DAB1: variants seen among roughly 807,000 people sequenced by gnomAD.
DAB1 encodes the protein disabled homolog 1.
Under a neutral mutation model 64.6 loss-of-function variants are expected in DAB1, and 15 were observed. The ratio of observed to expected loss-of-function variants is 0.23; its 90% CI spans 0.16 to 0.36. The LOEUF is 0.36. DAB1 is among the 10% of genes least tolerant of loss of function. The pLI is 1.00. For synonymous variants in DAB1, 235 were observed against 251.9 expected (o/e 0.93, Z 0.64); for missense variants, 596 against 706.7 (o/e 0.84, Z 1.78).
At chr1:57,511,369 C>T (rs78633503) in intron 7 of DAB1, among the ~76,000 whole-genome samples, 1,762 of 152,326 alleles carry the variant, frequency 0.012, 36 homozygotes, top group African/African-American at 0.04. Context: ...TTACACCCAA[C>T]AAGCTGTTTC....
intron 7 of DAB1, among the ~76,000 whole-genome samples, chr1:57,502,317 T>C (rs1570577875): frequency 4.0e-5 from 1 of 25,216 alleles, no homozygotes; most frequent in Non-Finnish European, 1.1e-4. Context: ...AGAGTCCGTC[T>C]CAAAAAAAAA....
chr1:57,770,255 T>TA (rs1434164223), intron 6 of DAB1, among the ~76,000 whole-genome samples: 1 of 152,062 alleles, frequency 6.6e-6, no homozygotes, highest in East Asian at 1.9e-4. Flanking sequence ...GAGATAATAA[T>TA]AAAAAAGCCT....
At chr1:57,015,548 G>C (rs1557547998) in intron 11 of DAB1, 117 bp from the exon 12 acceptor site, 1 of 916,058 alleles carries the variant, frequency 1.1e-6, no homozygotes, top group Non-Finnish European at 1.6e-6. Flanking sequence ...CAGACTGTGT[G>C]CCAGGGACTG....
chr1:57,086,702 A>G (rs1199945132), intron 4 of DAB1, among the ~76,000 whole-genome samples: 1 of 143,338 alleles, frequency 7.0e-6, no homozygotes, highest in African/African-American at 2.6e-5. Flanking sequence ...AAAAACCTGA[A>G]TGGCGGGGGG....
intron 2 of DAB1, among the ~76,000 whole-genome samples, chr1:57,157,315 G>A (rs1177467051): frequency 1.3e-5 from 2 of 152,040 alleles, no homozygotes; most frequent in Admixed American, 1.3e-4. Flanking sequence ...CTTATATCAA[G>A]CTGAGTATTC....
chr1:57,597,406 C>G (rs1645523644), intron 7 of DAB1, among the ~76,000 whole-genome samples: 1 of 152,170 alleles, frequency 6.6e-6, no homozygotes, highest in Non-Finnish European at 1.5e-5. Context: ...TGGGAAGAAA[C>G]GGACAAGGCA....
In DAB1 at chr1:57,015,359, A is replaced by T. The variant is rs765169580; in HGVS notation, c.968T>A (p.Met323Lys). The change falls in exon 12 of 15, where the codon ATG becomes AAG. Residue 323 changes from methionine to lysine, a missense_variant. Physicochemically the swap from Met to Lys is moderately conservative, Grantham distance 95. Around this residue, in one of 3 missense-constraint regions of DAB1, gnomAD observed 377 missense variants for 400.4 expected, o/e 0.94. Transcript: ENST00000371236. ...QQPLVQQQMV[M>K]GAQPPVAQVM... ...CTGAGCGACTGGTGGCTGGGCACCC[A>T]TGACCATCTGCTGTTGGACGAGGGG... 1 of 1,614,022 alleles carries T rather than the reference A, an allele frequency of 6.2e-7. No homozygotes were observed. The highest frequency in any genetic ancestry group is 8.5e-7 in the Non-Finnish European group (1 of 1,180,018).
chr1:58,299,537 A>G (rs1662072384), intron 4 of DAB1, among the ~76,000 whole-genome samples: 1 of 152,210 alleles, frequency 6.6e-6, no homozygotes, highest in South Asian at 2.1e-4. Context: ...AATACACATA[A>G]TGCATAAATA....
intron 7 of DAB1, among the ~76,000 whole-genome samples, chr1:57,522,886 C>T (rs1644545736): frequency 6.6e-6 from 1 of 152,204 alleles, no homozygotes; most frequent in African/African-American, 2.4e-5. Context: ...CTGGAGGTTT[C>T]TTGCCCTTGA....
At chr1:57,843,880 A>G (rs973220214) in intron 1 of DAB1, among the ~76,000 whole-genome samples, 4 of 152,150 alleles carry the variant, frequency 2.6e-5, no homozygotes, top group African/African-American at 9.7e-5. Context: ...CTCTTTGGAA[A>G]CATTTGCTCA....
chr1:57,884,207 G>C (rs1417557917), upstream of DAB1: 1 of 152,334 alleles, frequency 6.6e-6, no homozygotes, highest in Admixed American at 6.5e-5. Flanking sequence ...AACCAAAAGA[G>C]AAAGAGGATA....
chr1:58,180,007 T>C (rs1397475415), intron 4 of DAB1, among the ~76,000 whole-genome samples: 3 of 152,028 alleles, frequency 2.0e-5, no homozygotes, highest in Non-Finnish European at 1.5e-5. Flanking sequence ...TTACATAGCA[T>C]TTACATTAGG....
chr1:57,066,991 C>T (rs1208635899), intron 8 of DAB1, among the ~76,000 whole-genome samples: 2 of 148,726 alleles, frequency 1.3e-5, no homozygotes, highest in African/African-American at 2.5e-5. Flanking sequence ...GGAGAAATAG[C>T]TATGGAACAC....
At chr1:57,532,320 CTTCATTCA>C (rs139947442) in intron 7 of DAB1, among the ~76,000 whole-genome samples, 4 of 151,154 alleles carry the variant, frequency 2.6e-5, no homozygotes, top group African/African-American at 9.7e-5. Context: ...CCTGTAGGCT[CTTCATTCA>C]TTCATTCATT....
intron 5 of DAB1, among the ~76,000 whole-genome samples, chr1:58,053,799 T>G (rs1429431877): frequency 1.3e-5 from 2 of 152,228 alleles, no homozygotes; most frequent in African/African-American, 4.8e-5. Context: ...TACTTACATT[T>G]AAATAACTCT....
At chr1:58,527,146 G>A (rs758256118) in intron 2 of DAB1, 2 of 698,410 alleles carry the variant, frequency 2.9e-6, no homozygotes, top group Non-Finnish European at 5.2e-6. Context: ...TTACATAAAG[G>A]GCTAATACAG....
At chr1:57,093,132 G>A (rs777958752) in intron 4 of DAB1, among the ~76,000 whole-genome samples, 1 of 152,166 alleles carries the variant, frequency 6.6e-6, no homozygotes, top group Non-Finnish European at 1.5e-5. Flanking sequence ...GCTGGTCCTA[G>A]GTTCTGCAAA....
chr1:57,153,400 A>G (rs965623476), intron 2 of DAB1, among the ~76,000 whole-genome samples: 2 of 152,018 alleles, frequency 1.3e-5, no homozygotes, highest in African/African-American at 4.8e-5. Flanking sequence ...GACATCTTAT[A>G]TTTTTCTCAG....
At chr1:57,500,893 C>T (rs1411664550) in intron 7 of DAB1, among the ~76,000 whole-genome samples, 1 of 152,138 alleles carries the variant, frequency 6.6e-6, no homozygotes, top group Non-Finnish European at 1.5e-5. Context: ...GTATCTGGAG[C>T]TTTTTACCTG....
Sources: allele counts gnomAD v4.1 joint callset (sites outside exome capture counted in the v4.1 genomes callset), GRCh38; gene constraint gnomAD v4.1.1; regional missense constraint gnomAD v4.1.1; transcripts MANE v1.5; gene names NCBI Gene and HGNC (gene_info 2026-07-23, HGNC 2026-07-21).